Variants in TRIO observed in about 807,000 individuals in gnomAD.
The protein encoded by TRIO is trio Rho guanine nucleotide exchange factor.
In TRIO, 58 loss-of-function variants were observed where a neutral mutation model predicts 351.9. The ratio of observed to expected loss-of-function variants is 0.16; its 90% CI spans 0.13 to 0.21. The LOEUF is 0.21. Among genes scored for constraint, TRIO ranks in the 10% least tolerant of loss-of-function variants. TRIO has a pLI of 1.00. For synonymous variants in TRIO, 1,758 were observed against 1,595.7 expected, an observed-to-expected ratio of 1.10 and a Z score of -2.42; for missense variants, 3,201 against 4,027.8, an observed-to-expected ratio of 0.79 and a Z score of 5.56.
intron 9 of TRIO, among the ~76,000 whole-genome samples, chr5:14,321,834 CT>C (rs1739917626): frequency 6.6e-6 from 1 of 152,112 alleles, no homozygotes; most frequent in Non-Finnish European, 1.5e-5. Flanking sequence ...GTGAATAAGT[CT>C]TGTGAAATCT....
intron 11 of TRIO, among the ~76,000 whole-genome samples, chr5:14,349,167 G>A (rs546943967): frequency 7.3e-5 from 11 of 151,436 alleles, no homozygotes; most frequent in East Asian, 2.0e-4. Context: ...GTATGCACGT[G>A]AGCATGTGTG....
At chr5:14,271,710 A>T (rs1013651870) in intron 2 of TRIO, among the ~76,000 whole-genome samples, 1 of 152,180 alleles carries the variant, frequency 6.6e-6, no homozygotes, top group South Asian at 2.1e-4. Flanking sequence ...CTTTTAGATG[A>T]ATTTCCCTTG....
intron 30 of TRIO, among the ~76,000 whole-genome samples, chr5:14,399,665 C>G (rs534163454): frequency 1.3e-5 from 2 of 152,196 alleles, no homozygotes; most frequent in Admixed American, 1.3e-4. Context: ...AATTCGTAAC[C>G]TGTCATTGTA....
chr5:14,181,669 T>G (rs999088602), intron 1 of TRIO, among the ~76,000 whole-genome samples: 9 of 152,196 alleles, frequency 5.9e-5, no homozygotes, highest in Admixed American at 6.5e-5. Flanking sequence ...GCCATTTCAG[T>G]GTCCTGAAAA....
At chr5:14,330,640 C>T in intron 9 of TRIO, 138 bp from the exon 10 acceptor site, 1 of 1,076,982 alleles carries the variant, frequency 9.3e-7, no homozygotes, top group Non-Finnish European at 1.3e-6. Flanking sequence ...CCAATTACTT[C>T]TTCCCATTTT....
intron 1 of TRIO, among the ~76,000 whole-genome samples, chr5:14,185,795 C>CT (rs1337839782): frequency 1.3e-5 from 2 of 152,140 alleles, no homozygotes; most frequent in Non-Finnish European, 2.9e-5. Flanking sequence ...TCCTTGGTGA[C>CT]TCACTGGAGC....
chr5:14,477,247 A>C (rs1755150218), intron 41 of TRIO: 1 of 293,570 alleles, frequency 3.4e-6, no homozygotes, highest in Non-Finnish European at 6.3e-6. Context: ...GTCTGTGAAC[A>C]GGCAGGTATT....
chr5:14,165,852 T>G (rs1788732275), intron 1 of TRIO, among the ~76,000 whole-genome samples: 1 of 152,142 alleles, frequency 6.6e-6, no homozygotes, highest in South Asian at 2.1e-4. Flanking sequence ...CCTCCAGAGG[T>G]AGGAACGCCA....
At position 14,277,279 on chromosome 5, in the gene TRIO, G is replaced by GGAGAGGTT. The variant is rs1300891777; in HGVS notation, c.233-3043_233-3042insGAGAGGTT. ...AATAAGATTGGTTATAGGAGAGGATGCAGGTTTATGTGAACTGAAAGTAAA... is the reference window on the plus strand; with the variant it reads ...AATAAGATTGGTTATAGGAGAGGATGGAGAGGTTCAGGTTTATGTGAACTGAAAGTAAA... On this transcript the variant is annotated intron_variant, in intron 2 of 56. Transcript: ENST00000344204. 5.2e-3 allele frequency among the ~76,000 whole-genome samples: 791 copies of GGAGAGGTT among 152,314 alleles called. 6 individuals are homozygous for GGAGAGGTT. Among genetic ancestry groups the GGAGAGGTT allele is most frequent in the African/African-American group, 0.017 (708 of 41,574 alleles).
intron 34 of TRIO, among the ~76,000 whole-genome samples, chr5:14,454,219 G>A (rs960951923): frequency 3.3e-5 from 5 of 152,114 alleles, no homozygotes; most frequent in South Asian, 2.1e-4. Context: ...GTGAGCCACC[G>A]TGCCCTGCCC....
chr5:14,376,576 G>T (rs1745580070), intron 19 of TRIO, among the ~76,000 whole-genome samples: 1 of 152,148 alleles, frequency 6.6e-6, no homozygotes, highest in South Asian at 2.1e-4. Context: ...TTCTGTGTCA[G>T]AATTTAAAGA....
At chr5:14,427,407 T>C (rs1200701637) in intron 34 of TRIO, among the ~76,000 whole-genome samples, 1 of 152,144 alleles carries the variant, frequency 6.6e-6, no homozygotes, top group East Asian at 1.9e-4. Flanking sequence ...GGTTGCCAGG[T>C]GTGTCCACTC....
intron 35 of TRIO, among the ~76,000 whole-genome samples, chr5:14,461,655 A>G (rs1402046006): frequency 1.3e-5 from 2 of 152,198 alleles, no homozygotes; most frequent in African/African-American, 4.8e-5. Context: ...CTCCACCATG[A>G]AGCAAAGCCA....
intron 10 of TRIO, among the ~76,000 whole-genome samples, chr5:14,334,780 TG>T (rs1027095256): frequency 1.3e-5 from 2 of 152,222 alleles, no homozygotes; most frequent in Admixed American, 1.3e-4. Context: ...CCTTCTTCCC[TG>T]GAAGGAAGCC....
intron 11 of TRIO, among the ~76,000 whole-genome samples, chr5:14,353,825 A>C (rs1743363743): frequency 6.6e-6 from 1 of 152,366 alleles, no homozygotes; most frequent in African/African-American, 2.4e-5. Context: ...GCATAGAAGC[A>C]CAGCTATGTA....
intron 1 of TRIO, among the ~76,000 whole-genome samples, chr5:14,246,316 A>G (rs944630512): frequency 5.3e-5 from 8 of 152,348 alleles, no homozygotes; most frequent in Middle Eastern, 3.4e-3. Flanking sequence ...GGGGTTTAAC[A>G]TCATTGAGGG....
chr5:14,277,918 C>A (rs769288798), intron 2 of TRIO, among the ~76,000 whole-genome samples: 3 of 152,102 alleles, frequency 2.0e-5, no homozygotes, highest in Non-Finnish European at 4.4e-5. Flanking sequence ...GAAGGTGCAC[C>A]CTTAGCAGGG....
At position 14,482,752 on chromosome 5, in the gene TRIO, C is replaced by A. The variant is rs765759248; in HGVS notation, c.6636C>A (p.Phe2212Leu). Reference sequence around the variant, plus strand: ...AGAAGGGCTTCTCCATGCCGGGATTCCTGTTTAAGAACAGTATCAAGGTAA... The same window carrying A: ...AGAAGGGCTTCTCCATGCCGGGATTACTGTTTAAGAACAGTATCAAGGTAA... ...DKKKGFSMPGFLFKNSIKVSC... is the reference protein window; with the variant it reads ...DKKKGFSMPGLLFKNSIKVSC... The change falls in exon 46 of 57, where the codon TTC becomes TTA. Residue 2212 changes from phenylalanine (F) to leucine (L), a missense_variant. Transcript: ENST00000344204. 6.2e-7 allele frequency: 1 copy of A among 1,603,444 alleles called. No homozygotes were observed. The highest frequency in any genetic ancestry group is 8.5e-7 in the Non-Finnish European group (1 of 1,173,870).
intron 8 of TRIO, among the ~76,000 whole-genome samples, chr5:14,315,893 A>T (rs914990924): frequency 6.6e-6 from 1 of 152,250 alleles, no homozygotes; most frequent in South Asian, 2.1e-4. Context: ...ACTTGATGGC[A>T]TTTTAATTAA....
Sources: allele counts gnomAD v4.1 joint callset (sites outside exome capture counted in the v4.1 genomes callset), GRCh38; gene constraint gnomAD v4.1.1; transcripts MANE v1.5; gene names NCBI Gene and HGNC (gene_info 2026-07-23, HGNC 2026-07-21).